Variants in NDUFAF6 observed in about 807,000 individuals in gnomAD.
The protein encoded by NDUFAF6 is NADH dehydrogenase (ubiquinone) complex I, assembly factor 6.
In NDUFAF6, 45 loss-of-function variants were observed where a neutral mutation model predicts 40.8. The observed-to-expected ratio is 1.10, with a 90% CI of 0.87 to 1.42. The LOEUF is 1.42. Ranked by LOEUF, NDUFAF6 falls within the 40% of genes most tolerant of loss-of-function variation. The pLI is 0.00. For missense variants in NDUFAF6, 435 were observed against 418.5 expected (o/e 1.04, Z -0.34); for synonymous variants, 185 against 155.9 (o/e 1.19, Z -1.39).
At chr8:94,900,761 T>C (rs1254469500) in intron 1 of NDUFAF6, among the ~76,000 whole-genome samples, 1 of 151,990 alleles carries the variant, frequency 6.6e-6, no homozygotes, top group East Asian at 1.9e-4. Context: ...AGAGGATAAA[T>C]GTGGAACGGA....
At chr8:95,046,153 C>T (rs971606931) in intron 5 of NDUFAF6, among the ~76,000 whole-genome samples, 3 of 151,944 alleles carry the variant, frequency 2.0e-5, no homozygotes, top group East Asian at 1.9e-4. Context: ...CTCTGCCTCC[C>T]GGATTCAAGT....
chr8:95,069,797 A>G (rs1057391085), intron 9 of NDUFAF6, among the ~76,000 whole-genome samples: 2 of 142,776 alleles, frequency 1.4e-5, no homozygotes, highest in Non-Finnish European at 3.0e-5. Flanking sequence ...AAAAAAAATT[A>G]TATATATATA....
Position 94,965,465 on chromosome 8 carries a change from A to G in NDUFAF6, c.-199+7286A>G, listed in dbSNP as rs1010538856. On this transcript the variant is annotated intron_variant, in intron 1 of 9. Coordinates refer to the NDUFAF6 transcript ENST00000396111. Reference sequence around the variant, plus strand: ...CCACACAAGTCAGGAAAGGTCAGTAAGCTATGCTGAGACATGATCCTGTTT... The same window carrying G: ...CCACACAAGTCAGGAAAGGTCAGTAGGCTATGCTGAGACATGATCCTGTTT... 2.0e-5 allele frequency among the ~76,000 whole-genome samples: 3 copies of G among 152,210 alleles called. No homozygotes were observed. In the East Asian group the frequency reaches 5.8e-4, roughly 29 times the overall value.
At chr8:95,054,295 A>C (rs1367586318) in intron 8 of NDUFAF6, among the ~76,000 whole-genome samples, 3 of 151,728 alleles carry the variant, frequency 2.0e-5, no homozygotes, top group Non-Finnish European at 4.4e-5. Flanking sequence ...AACTACTGTC[A>C]TAGACCAATG....
At position 95,057,677 on chromosome 8, in the gene NDUFAF6, T is replaced by G. The variant is rs530160661; in HGVS notation, c.874-132T>G. ...TTTTTCTTTCTCTCTTTTAAAATTCTCACTTAAATAGAAAACCATCTCAGG... is the reference window on the plus strand; with the variant it reads ...TTTTTCTTTCTCTCTTTTAAAATTCGCACTTAAATAGAAAACCATCTCAGG... On this transcript the variant is annotated intron_variant, in intron 8 of 8. Coordinates refer to ENST00000396124, the MANE Select transcript of NDUFAF6 (RefSeq NM_152416.4). The G allele has an allele frequency of 4.2e-6, 3 of 706,040 alleles. No individual in the cohort carries two copies. In the African/African-American group the frequency reaches 5.4e-5, roughly 13 times the overall value. 43.7% of individuals were successfully genotyped at this position (706,040 alleles called of 1,614,324 possible). A position where few individuals can be genotyped will look rare whatever the true frequency, so the allele number is the denominator to read the frequency against.
At chr8:94,901,189 A>G (rs1471461191) in intron 1 of NDUFAF6, among the ~76,000 whole-genome samples, 1 of 152,192 alleles carries the variant, frequency 6.6e-6, no homozygotes, top group African/African-American at 2.4e-5. Flanking sequence ...TTAGTGCACA[A>G]CGAGGTTTGT....
chr8:94,933,330 T>A (rs1820613867), intron 1 of NDUFAF6, among the ~76,000 whole-genome samples: 1 of 151,896 alleles, frequency 6.6e-6, no homozygotes, highest in South Asian at 2.1e-4. Flanking sequence ...AAACAAGATA[T>A]AAAAACAACA....
At chr8:94,940,727 G>T in intron 1 of NDUFAF6, 1 of 782,452 alleles carries the variant, frequency 1.3e-6, no homozygotes, top group Non-Finnish European at 2.1e-6. Flanking sequence ...TTACTTTTAA[G>T]GCTGAAAACC....
At chr8:95,110,074 C>T (rs1379964861) in intron 4 of NDUFAF6, among the ~76,000 whole-genome samples, 1 of 152,210 alleles carries the variant, frequency 6.6e-6, no homozygotes, top group African/African-American at 2.4e-5. Flanking sequence ...GTGGCAGTTT[C>T]TCCAATAATG....
intron 7 of NDUFAF6, among the ~76,000 whole-genome samples, chr8:95,049,541 T>C (rs1410530135): frequency 6.6e-6 from 1 of 152,220 alleles, no homozygotes; most frequent in Admixed American, 6.5e-5. Flanking sequence ...CCCATAATGC[T>C]AATTTTTCCT....
rs150728658 is a variant in NDUFAF6, at chr8:95,072,213, G to A, written c.*512-3420G>A. On this transcript the variant is annotated intron_variant and NMD_transcript_variant, in intron 9 of 9. Coordinates refer to the NDUFAF6 transcript ENST00000520757. ...CTAAGACACAGGGCCGTTATGTTGC[G>A]GTGCCCTACTTCGCAGCACCCCCAG... Among the ~76,000 whole-genome samples, 10 of 152,040 alleles carry A rather than the reference G, an allele frequency of 6.6e-5. No individual in the cohort carries two copies. In the East Asian group the frequency reaches 9.7e-4, roughly 15 times the overall value.
At chr8:94,919,584 C>G (rs766178281) in intron 1 of NDUFAF6, among the ~76,000 whole-genome samples, 8 of 152,038 alleles carry the variant, frequency 5.3e-5, no homozygotes, top group Non-Finnish European at 1.2e-4. Flanking sequence ...TTGAATCTGC[C>G]CACTTGTTTT....
intron 8 of NDUFAF6, among the ~76,000 whole-genome samples, chr8:95,054,436 CTTT>C (rs59359540): frequency 1.7e-4 from 23 of 132,144 alleles, no homozygotes; most frequent in Non-Finnish European, 2.0e-4. Flanking sequence ...TCAGCTTCTG[CTTT>C]TTTTTTTTTT....
intron 1 of NDUFAF6, among the ~76,000 whole-genome samples, chr8:94,941,418 AAC>A (rs1821518710): frequency 6.6e-6 from 1 of 152,192 alleles, no homozygotes; most frequent in African/African-American, 2.4e-5. Context: ...TCTAGATAGT[AAC>A]AGTCTTGCTA....
intron 4 of NDUFAF6, among the ~76,000 whole-genome samples, chr8:95,112,531 A>G (rs1284734979): frequency 6.6e-6 from 1 of 152,152 alleles, no homozygotes; most frequent in Non-Finnish European, 1.5e-5. Flanking sequence ...GGCCTCTAAA[A>G]CTATGAGAGA....
intron 4 of NDUFAF6, among the ~76,000 whole-genome samples, chr8:95,109,212 ATTAG>A (rs979607075): frequency 2.6e-4 from 40 of 152,218 alleles, no homozygotes; most frequent in African/African-American, 8.4e-4. Context: ...AAACTTTAAT[ATTAG>A]TTAGTTGGGC....
chr8:94,910,734 T>C (rs776486543), intron 1 of NDUFAF6, among the ~76,000 whole-genome samples: 2 of 152,238 alleles, frequency 1.3e-5, no homozygotes, highest in Non-Finnish European at 2.9e-5. Flanking sequence ...ATATCACTTT[T>C]CATTTAGTTT....
At chr8:94,976,860 T>C (rs77393540) in intron 1 of NDUFAF6, among the ~76,000 whole-genome samples, 5,122 of 152,174 alleles carry the variant, frequency 0.034, 247 homozygotes, top group African/African-American at 0.11. Flanking sequence ...CAATTAAAAA[T>C]GGTTCAGAGG....
chr8:94,926,093 ACT>A (rs1189070774), intron 1 of NDUFAF6: 1 of 152,612 alleles, frequency 6.6e-6, no homozygotes, highest in Non-Finnish European at 1.5e-5. Flanking sequence ...ACAATGCTAC[ACT>A]CATTTTTGGC....
Sources: allele counts gnomAD v4.1 joint callset (sites outside exome capture counted in the v4.1 genomes callset), GRCh38; gene constraint gnomAD v4.1.1; transcripts MANE v1.5; gene names NCBI Gene and HGNC (gene_info 2026-07-23, HGNC 2026-07-21).